CAVIN1: variants seen among roughly 807,000 people sequenced by gnomAD.
The protein encoded by CAVIN1 is caveolae-associated protein 1.
In CAVIN1, 16 loss-of-function variants were observed where a neutral mutation model predicts 24.0. That is an observed-to-expected ratio of 0.67 (90% CI 0.45 to 1.01). The LOEUF (loss-of-function observed/expected upper bound fraction) is 1.01. CAVIN1 is among the 50% of genes least tolerant of loss of function. The pLI, the probability that CAVIN1 is intolerant of heterozygous loss-of-function variation, is 0.00. For missense variants in CAVIN1, 510 were observed against 551.7 expected (o/e 0.92, Z 0.76); for synonymous variants, 256 against 256.4 (o/e 1.00, Z 0.02).
chr17:42,416,864 C>T (rs578150547), intron 1 of CAVIN1, among the ~76,000 whole-genome samples: 3 of 152,192 alleles, frequency 2.0e-5, no homozygotes, highest in Admixed American at 1.3e-4. Flanking sequence ...CCCTAATTTG[C>T]GTTGAATCCA....
chr17:42,412,183 TCAGG>T (rs1201631074), intron 1 of CAVIN1: 15 of 985,090 alleles, frequency 1.5e-5, no homozygotes, highest in Admixed American at 6.2e-5. Context: ...GGGCTCAGTC[TCAGG>T]CAGGTCAAAA....
intron 1 of CAVIN1, chr17:42,412,186 G>C (rs1268263473): frequency 1.0e-6 from 1 of 985,088 alleles, no homozygotes; most frequent in Non-Finnish European, 1.2e-6. Context: ...CTCAGTCTCA[G>C]GCAGGTCAAA....
intron 1 of CAVIN1, among the ~76,000 whole-genome samples, chr17:42,407,772 C>T (rs1437173370): frequency 6.6e-6 from 1 of 152,166 alleles, no homozygotes; most frequent in African/African-American, 2.4e-5. Context: ...AATCCTAGGG[C>T]ATTTTGTTTA....
chr17:42,416,130 G>C (rs1482629690), intron 1 of CAVIN1, among the ~76,000 whole-genome samples: 1 of 152,156 alleles, frequency 6.6e-6, no homozygotes, highest in African/African-American at 2.4e-5. Flanking sequence ...CACTTTGGGA[G>C]GCTGAGGCAG....
Position 42,411,192 on chromosome 17 carries a change from C to CAAAAAAAAAAAAAAAAAAAAAAA in CAVIN1, c.472-5805_472-5804insTTTTTTTTTTTTTTTTTTTTTTT, listed in dbSNP as rs71157624. 1.2e-3 allele frequency among the ~76,000 whole-genome samples: 58 copies of CAAAAAAAAAAAAAAAAAAAAAAA among 46,632 alleles called. 2 individuals carry two copies. The highest frequency in any genetic ancestry group is 5.0e-3 in the South Asian group (3 of 596). 30.6% of individuals were successfully genotyped at this position (46,632 alleles called of 152,430 possible). On this transcript the variant is annotated intron_variant, in intron 1 of 1. Coordinates refer to ENST00000357037, the MANE Select transcript of CAVIN1 (RefSeq NM_012232.6). ...TGGGTGACAGAGTAGGACTATGTCT[C>CAAAAAAAAAAAAAAAAAAAAAAA]AAAAAAAAAAAAAAAAACTAAAAGG... is the stretch of plus-strand genomic sequence containing the variant.
intron 1 of CAVIN1, among the ~76,000 whole-genome samples, chr17:42,415,250 G>A (rs927134296): frequency 2.0e-5 from 3 of 152,182 alleles, no homozygotes; most frequent in African/African-American, 7.2e-5. Flanking sequence ...GAGGGGGTGG[G>A]GAGCAGTGAG....
In CAVIN1 at chr17:42,422,923, C is replaced by A. The variant is rs2085564844; in HGVS notation, c.175G>T (p.Asp59Tyr). 6.2e-7 allele frequency: 1 copy of A among 1,614,084 alleles called. No individual in the cohort carries two copies. The highest frequency in any genetic ancestry group is 8.5e-7 in the Non-Finnish European group (1 of 1,180,008). ...VNGVLVLSLL[D>Y]KIIGAVDQIQ... ...TGGTCTACGGCCCCGATGATTTTGT[C>A]CAGGAGGCTCAGCACCAGCACGCCG... The change falls in exon 1 of 2, where the codon GAC becomes TAC. Residue 59 changes from aspartate to tyrosine, a missense_variant. Asp to Tyr is a radical substitution (Grantham distance 160). Coordinates refer to ENST00000357037, the MANE Select transcript of CAVIN1 (RefSeq NM_012232.6).
rs767697428 is a variant in CAVIN1, at chr17:42,422,644, T to C, written c.454A>G (p.Lys152Glu). The change falls in exon 1 of 2, where the codon AAA becomes GAA. Residue 152 changes from lysine to glutamate, a missense_variant. Coordinates refer to ENST00000357037, the MANE Select transcript of CAVIN1 (RefSeq NM_012232.6). ...EAELLRRRNF[K>E]VMIYQDEVKL... ...GGGCTCACCTGGTAGATCATGACTT[T>C]AAAGTTGCGGCGCCGCAGCAGCTCG... is the stretch of plus-strand genomic sequence containing the variant. The C allele has an allele frequency of 8.2e-6, 13 of 1,586,216 alleles. No homozygotes were observed. Among genetic ancestry groups the C allele is most frequent in the African/African-American group, 1.3e-5 (1 of 74,146 alleles).
rs775795568 is a variant in CAVIN1, at chr17:42,404,656, G to C, written c.*31C>G. 34 of 1,348,610 alleles carry C rather than the reference G, an allele frequency of 2.5e-5. No homozygotes were observed. The highest frequency in any genetic ancestry group is 6.6e-5 in the Admixed American group (2 of 30,290). 83.5% of individuals were successfully genotyped at this position (1,348,610 alleles called of 1,614,324 possible). On this transcript the variant is annotated 3_prime_UTR_variant, in exon 2 of 2. Transcript: ENST00000357037. ...GCGAAAGAGGAAGTTCGGAAGGAGC[G>C]AGGAATGGGGTGGGTGGCAGCGGGG...
At chr17:42,409,824 G>A (rs2085465499) in intron 1 of CAVIN1, among the ~76,000 whole-genome samples, 1 of 152,086 alleles carries the variant, frequency 6.6e-6, no homozygotes, top group Non-Finnish European at 1.5e-5. Flanking sequence ...GACCTCAGGG[G>A]ATGGCAAGGA....
At chr17:42,421,738 G>A (rs926946013) in intron 1 of CAVIN1, among the ~76,000 whole-genome samples, 2 of 152,172 alleles carry the variant, frequency 1.3e-5, no homozygotes, top group African/African-American at 2.4e-5. Flanking sequence ...GGAGCCGGGG[G>A]GTGGGGGCGC....
chr17:42,413,907 T>A (rs1337612938), intron 1 of CAVIN1, among the ~76,000 whole-genome samples: 1 of 152,054 alleles, frequency 6.6e-6, no homozygotes, highest in Non-Finnish European at 1.5e-5. Flanking sequence ...TGGTTGTTGT[T>A]TTTTTTTAGA....
intron 1 of CAVIN1, among the ~76,000 whole-genome samples, chr17:42,406,736 C>G (rs2085448909): frequency 6.6e-6 from 1 of 152,064 alleles, no homozygotes; most frequent in Non-Finnish European, 1.5e-5. Flanking sequence ...TCCCCCACCT[C>G]CACCTTCTTT....
At chr17:42,410,768 T>C (rs1245342123) in intron 1 of CAVIN1, among the ~76,000 whole-genome samples, 3 of 150,594 alleles carry the variant, frequency 2.0e-5, no homozygotes, top group Non-Finnish European at 3.0e-5. Flanking sequence ...AAAAATTAGC[T>C]GGGTGTGGTG....
chr17:42,416,379 AG>A (rs1205904464), intron 1 of CAVIN1, among the ~76,000 whole-genome samples: 35 of 151,842 alleles, frequency 2.3e-4, no homozygotes, highest in Middle Eastern at 3.4e-3. Context: ...GAAAGAAGAG[AG>A]AGAGAGAGAG....
At chr17:42,419,377 G>A (rs8081779) in intron 1 of CAVIN1, among the ~76,000 whole-genome samples, 37,040 of 151,566 alleles carry the variant, frequency 0.24, 4,763 homozygotes, top group South Asian at 0.41. Flanking sequence ...GCAATAACAC[G>A]ATCTCGCTCA....
At chr17:42,412,222 T>A (rs2085483158) in intron 1 of CAVIN1, 3 of 984,802 alleles carry the variant, frequency 3.0e-6, no homozygotes, top group Admixed American at 6.2e-5. Context: ...TGTGGCCAGG[T>A]CAGAGGGTGC....
intron 1 of CAVIN1, chr17:42,411,798 G>A: frequency 1.0e-6 from 1 of 985,410 alleles, no homozygotes; most frequent in Non-Finnish European, 1.2e-6. Flanking sequence ...GTGTGGGGGA[G>A]CATTTACTAC....
intron 1 of CAVIN1, among the ~76,000 whole-genome samples, chr17:42,418,486 C>T (rs1040528940): frequency 5.3e-5 from 8 of 152,172 alleles, no homozygotes; most frequent in Non-Finnish European, 8.8e-5. Flanking sequence ...CCGCCTCAGC[C>T]TCCCAAAGTG....
Sources: gnomAD v4.1 joint callset for allele counts (sites outside exome capture counted in the v4.1 genomes callset) on GRCh38, gnomAD v4.1.1 for gene constraint, MANE v1.5 for transcripts, NCBI Gene and HGNC (gene_info 2026-07-23, HGNC 2026-07-21) for gene names.